The following PPP6R1 variants were observed in gnomAD, a reference collection of about 807,000 sequenced individuals.
PPP6R1 encodes protein phosphatase 6 regulatory subunit 1, also known as serine/threonine-protein phosphatase 6 regulatory subunit 1.
Under a neutral mutation model 104.6 loss-of-function variants are expected in PPP6R1, and 39 were observed. The observed-to-expected ratio is 0.37, with a 90% confidence interval of 0.29 to 0.49. PPP6R1 has a LOEUF of 0.49. Among genes scored for constraint, PPP6R1 ranks in the 20% least tolerant of loss-of-function variants. PPP6R1 has a pLI of 0.98. For missense variants in PPP6R1, 1,181 were observed against 1,155.8 expected, an observed-to-expected ratio of 1.02 and a Z score of -0.32; for synonymous variants, 549 against 479.0, an observed-to-expected ratio of 1.15 and a Z score of -1.91.
chr19:55,230,814 C>A lies in PPP6R1; in HGVS notation c.2530G>T (p.Glu844Ter). 1 of 1,588,242 alleles carries A rather than the reference C, an allele frequency of 6.3e-7. No homozygotes were observed. Reference sequence around the variant, plus strand: ...AGCCCCAAGGGCTCTGGGCTCTTCTCCCCTTCTGTGGTCTGGGGGGGCTGG... The same window carrying A: ...AGCCCCAAGGGCTCTGGGCTCTTCTACCCTTCTGTGGTCTGGGGGGGCTGG... The part of the protein sequence containing the change: ...AHQPPQTTEG[E>*]KSPEPLGLPQ... The change falls in exon 22 of 24, where the codon GAG (glutamate) becomes TAG (stop). Residue 844 changes from glutamate (E) to a stop codon, truncating the protein, a stop_gained. Coordinates refer to ENST00000412770, the MANE Select transcript of PPP6R1 (RefSeq NM_014931.4). LOFTEE classifies it high-confidence loss of function.
intron 1 of PPP6R1, chr19:55,255,888 A>T (rs2087589387): frequency 6.6e-6 from 1 of 152,218 alleles, no homozygotes; most frequent in African/African-American, 2.4e-5. Context: ...TCCCGCAGTC[A>T]CCCTGGAACA....
At chr19:55,228,481 C>G (rs915357094), downstream of PPP6R1, 4 of 1,602,650 alleles carry the variant, frequency 2.5e-6, no homozygotes, top group South Asian at 3.3e-5. Flanking sequence ...CAGCCCAGCC[C>G]CCATTCTTGG....
chr19:55,236,894 G>A lies in PPP6R1; in HGVS notation c.1809+19C>T. 2 of 1,612,794 alleles carry A rather than the reference G, an allele frequency of 1.2e-6. No individual in the cohort carries two copies. The highest frequency in any genetic ancestry group is 2.2e-5 in the East Asian group (1 of 44,884). On this transcript the variant is annotated intron_variant, in intron 16 of 23. Transcript: ENST00000412770. ...ACACCCCTCCACCCGCCACAACCAG[G>A]GGACAGGGCAGTACTCACGTTCTCA...
chr19:55,258,503 G>A lies in PPP6R1; in HGVS notation c.-75C>T, dbSNP rs1443649499. Reference sequence around the variant, plus strand: ...GGCGCCCCCCCCCGCCCCGCCGCCGGCGGCTCCGGCCCCTGCTGCGGGGCC... The same window carrying A: ...GGCGCCCCCCCCCGCCCCGCCGCCGACGGCTCCGGCCCCTGCTGCGGGGCC... On this transcript the variant is annotated 5_prime_UTR_variant, in exon 1 of 24. Transcript: ENST00000412770. The A allele has an allele frequency of 6.7e-6, 1 of 149,928 alleles. No individual in the cohort carries two copies. The highest frequency in any genetic ancestry group is 1.5e-5 in the Non-Finnish European group (1 of 67,286). 9.3% of individuals were successfully genotyped at this position (149,928 alleles called of 1,614,324 possible).
intron 13 of PPP6R1, 33 bp from the exon 14 acceptor site, chr19:55,239,716 G>C: frequency 1.9e-6 from 3 of 1,591,134 alleles, no homozygotes; most frequent in Non-Finnish European, 2.6e-6. Context: ...GGGCCTGCTG[G>C]AGCCCCCAGA....
In PPP6R1 at chr19:55,236,841, G is replaced by A. The variant is rs753775373; in HGVS notation, c.1810-20C>T. 3.2e-5 allele frequency: 51 copies of A among 1,613,746 alleles called. No homozygotes were observed. Among genetic ancestry groups the A allele is most frequent in the Non-Finnish European group, 3.3e-5 (39 of 1,179,770 alleles). ...GTTGGGCTGCAGGGCACAGGGGTGG[G>A]AGGATGGGCCACACTGCCCACAGCC... On this transcript the variant is annotated intron_variant, in intron 16 of 23. Coordinates refer to ENST00000412770, the MANE Select transcript of PPP6R1 (RefSeq NM_014931.4).
In PPP6R1 at chr19:55,239,458, A is replaced by G; in HGVS notation, c.1698T>C (p.Ile566=). The G allele has an allele frequency of 6.2e-7, 1 of 1,614,010 alleles. No homozygotes were observed. The highest frequency in any genetic ancestry group is 8.5e-7 in the Non-Finnish European group (1 of 1,179,880). The change falls in exon 15 of 24, where the codon ATT becomes ATC. Residue 566 remains isoleucine, a synonymous_variant. Transcript: ENST00000412770. ...CCTCATCATTGAAGCCGAAGTGGTC[A>G]ATGAAGGCAGAGGTCATGCGCTGCA... ...FQMQRMTSAF[I]DHFGFNDEEF...
intron 1 of PPP6R1, among the ~76,000 whole-genome samples, chr19:55,254,039 T>C (rs914769221): frequency 4.6e-5 from 7 of 152,238 alleles, no homozygotes; most frequent in African/African-American, 1.7e-4. Flanking sequence ...AGATGCTTTC[T>C]GGCAGGACAG....
At chr19:55,251,568 C>G (rs2087553704) in intron 1 of PPP6R1, among the ~76,000 whole-genome samples, 1 of 152,170 alleles carries the variant, frequency 6.6e-6, no homozygotes, top group Non-Finnish European at 1.5e-5. Context: ...GGCACCACCA[C>G]CTCACAAGGA....
chr19:55,233,840 T>A (rs2087371208), intron 17 of PPP6R1, among the ~76,000 whole-genome samples: 1 of 152,236 alleles, frequency 6.6e-6, no homozygotes, highest in African/African-American at 2.4e-5. Flanking sequence ...GCTTCTTGGT[T>A]GAAATTGACA....
rs2122487695 is a variant in PPP6R1, at chr19:55,229,943, G to C, written c.*585C>G. 6.5e-6 allele frequency: 1 copy of C among 152,810 alleles called. No individual in the cohort carries two copies. Among genetic ancestry groups the C allele is most frequent in the Middle Eastern group, 2.2e-3 (1 of 448 alleles). The allele number at this position is 152,810 out of a possible 1,614,324, so 9.5% of individuals were successfully genotyped here. A position where few individuals can be genotyped will look rare whatever the true frequency, so the allele number is the denominator to read the frequency against. On this transcript the variant is annotated 3_prime_UTR_variant, in exon 24 of 24. Coordinates refer to ENST00000412770, the MANE Select transcript of PPP6R1 (RefSeq NM_014931.4). ...AGGCCCCTGGGGCTGTTGCCGGGGA[G>C]GCCCCTGCTCCCCAGAGCCGGACTG...
intron 1 of PPP6R1, among the ~76,000 whole-genome samples, chr19:55,255,271 C>T (rs960389996): frequency 6.6e-6 from 1 of 152,178 alleles, no homozygotes; most frequent in Admixed American, 6.5e-5. Context: ...ACATTCAAAT[C>T]GTCTCCTGAA....
At position 55,254,386 on chromosome 19, in the gene PPP6R1, T is replaced by C. The variant is rs543175436; in HGVS notation, c.-7+4049A>G. 5.3e-5 allele frequency among the ~76,000 whole-genome samples: 8 copies of C among 152,328 alleles called. No individual in the cohort carries two copies. The South Asian group carries it at 1.7e-3, about 32-fold the overall frequency. ...CAGCTCTGCACTATTGCCTCTGGTT[T>C]CTGACTTAGCTGTGGTGTTTTAGGG... On this transcript the variant is annotated intron_variant, in intron 1 of 23. Transcript: ENST00000412770.
chr19:55,230,945 T>G lies in PPP6R1; in HGVS notation c.2460-61A>C. 3 of 1,373,172 alleles carry G rather than the reference T, an allele frequency of 2.2e-6. No homozygotes were observed. The South Asian group carries it at 3.6e-5, about 16-fold the overall frequency. The allele number at this position is 1,373,172 out of a possible 1,614,324, so 85.1% of individuals were successfully genotyped here. ...CCCCCACCGTCACCTGCTGACACCCTCACATCCCACCCGACTGAAGTCGGC... is the reference window on the plus strand; with the variant it reads ...CCCCCACCGTCACCTGCTGACACCCGCACATCCCACCCGACTGAAGTCGGC... On this transcript the variant is annotated intron_variant, in intron 21 of 23. Coordinates refer to ENST00000412770, the MANE Select transcript of PPP6R1 (RefSeq NM_014931.4).
intron 21 of PPP6R1, 30 bp from the exon 22 acceptor site, chr19:55,230,914 G>A: frequency 6.5e-7 from 1 of 1,545,020 alleles, no homozygotes. Flanking sequence ...GCGGCTGTCA[G>A]CGTGGCCCCC....
At position 55,241,623 on chromosome 19, in the gene PPP6R1, C is replaced by G; in HGVS notation, c.862G>C (p.Val288Leu). Residue 288 changes from valine (V) to leucine (L), a missense_variant, in exon 8 of 24, where the codon GTG (valine) becomes CTG (leucine). Transcript: ENST00000412770. The surrounding 1 kb of genome is among the most constrained non-coding windows in gnomAD (Gnocchi z 5.4). Reference protein sequence around the residue: ...PRRPRSESVTVNSFFSSVDGQ... With the variant: ...PRRPRSESVTLNSFFSSVDGQ... The stretch of plus-strand genomic sequence containing the variant: ...TCCACACTGCTGAAGAAGCTGTTCA[C>G]GGTCACGGACTCGGACCTGCAGCAG... 1.3e-6 allele frequency: 2 copies of G among 1,580,608 alleles called. No individual in the cohort carries two copies. The highest frequency in any genetic ancestry group is 2.3e-5 in the East Asian group (1 of 43,058).
At position 55,239,449 on chromosome 19, in the gene PPP6R1, G is replaced by A. The variant is rs766298793; in HGVS notation, c.1707C>T (p.Phe569=). 1.1e-5 allele frequency: 18 copies of A among 1,613,918 alleles called. No homozygotes were observed. The highest frequency in any genetic ancestry group is 3.3e-5 in the Admixed American group (2 of 60,002). The change falls in exon 15 of 24, where the codon TTC becomes TTT. Residue 569 remains phenylalanine, a synonymous_variant. Coordinates refer to ENST00000412770, the MANE Select transcript of PPP6R1 (RefSeq NM_014931.4). ...QRMTSAFIDH[F]GFNDEEFGEQ... ...CCCCAAACTCCTCATCATTGAAGCCGAAGTGGTCAATGAAGGCAGAGGTCA... is the reference window on the plus strand; with the variant it reads ...CCCCAAACTCCTCATCATTGAAGCCAAAGTGGTCAATGAAGGCAGAGGTCA...
At chr19:55,244,594 T>C (rs1366922262) in intron 5 of PPP6R1, among the ~76,000 whole-genome samples, 1 of 152,202 alleles carries the variant, frequency 6.6e-6, no homozygotes, top group Non-Finnish European at 1.5e-5. Context: ...TGCAAGGCAT[T>C]ATGTGCCAAG....
chr19:55,242,068 C>CG, intron 7 of PPP6R1, 98 bp downstream of exon 7: 1 of 1,153,298 alleles, frequency 8.7e-7, no homozygotes, highest in Non-Finnish European at 1.3e-6. Flanking sequence ...GTGCCACGGG[C>CG]GGGGATTTCT....
Sources: allele counts gnomAD v4.1 joint callset (sites outside exome capture counted in the v4.1 genomes callset), GRCh38; gene constraint gnomAD v4.1.1; non-coding constraint Gnocchi (gnomAD v3.1); transcripts MANE v1.5; gene names NCBI Gene and HGNC (gene_info 2026-07-23, HGNC 2026-07-21).